Variants in PGLS observed in about 807,000 individuals in gnomAD.
The protein encoded by PGLS is epididymis secretory protein Li 304.
Under a neutral mutation model 23.2 loss-of-function variants are expected in PGLS, and 21 were observed. The observed-to-expected ratio is 0.91, with a 90% confidence interval of 0.64 to 1.31. PGLS has a LOEUF of 1.31. Ranked by LOEUF, PGLS falls within the 50% of genes most tolerant of loss-of-function variation. The probability of loss-of-function intolerance (pLI) is 0.00; values close to 1 mark genes in which losing one functional copy is unlikely to be tolerated. For missense variants in PGLS, 410 were observed against 354.0 expected, an observed-to-expected ratio of 1.16 and a Z score of -1.27; for synonymous variants, 179 against 165.4, an observed-to-expected ratio of 1.08 and a Z score of -0.63.
At chr19:17,516,639 C>T (rs1442894833) in intron 2 of PGLS, 2 of 513,940 alleles carry the variant, frequency 3.9e-6, no homozygotes, top group Admixed American at 6.4e-5. Context: ...GGCTGGAGTG[C>T]AGTGGCGTGA....
Position 17,511,911 on chromosome 19 carries a change from A to T in PGLS, c.239A>T (p.Glu80Val). Residue 80 changes from glutamate (E) to valine (V), a missense_variant, in exon 1 of 5, where the codon GAG (glutamate) becomes GTG (valine). Coordinates refer to ENST00000252603, the MANE Select transcript of PGLS (RefSeq NM_012088.3). The part of the protein sequence containing the change: ...LARWTLGFCD[E>V]RLVPFDHAES... ...CGCTGGACGCTGGGCTTCTGCGACG[A>T]GCGCCTCGTGCCCTTCGATCACGCC... 1 of 1,545,268 alleles carries T rather than the reference A, an allele frequency of 6.5e-7. No individual in the cohort carries two copies. The highest frequency in any genetic ancestry group is 2.0e-4 in the Middle Eastern group (1 of 4,936).
At chr19:17,519,183 G>A (rs1379872959) in intron 4 of PGLS, among the ~76,000 whole-genome samples, 4 of 151,234 alleles carry the variant, frequency 2.6e-5, no homozygotes, top group African/African-American at 4.9e-5. Flanking sequence ...GCGTGGTGGC[G>A]TGCGCCTGTA....
rs979285783 is a variant in PGLS, at chr19:17,521,036, C to T, written c.732C>T (p.Ala244=). 46 of 1,601,112 alleles carry T rather than the reference C, an allele frequency of 2.9e-5. No homozygotes were observed. The Admixed American group carries it at 5.7e-4, about 20-fold the overall frequency. Residue 244 remains alanine (A), a synonymous_variant, in exon 5 of 5, where the codon GCC becomes GCT. Coordinates refer to ENST00000252603, the MANE Select transcript of PGLS (RefSeq NM_012088.3). ...GKLCWFLDEA[A]ARLLTVPFEK... ...TGTGCTGGTTCTTGGACGAGGCGGCCGCCCGCCTCCTGACCGTGCCCTTCG... is the reference window on the plus strand; with the variant it reads ...TGTGCTGGTTCTTGGACGAGGCGGCTGCCCGCCTCCTGACCGTGCCCTTCG...
In PGLS at chr19:17,521,103, C is replaced by T. The variant is rs1183315499; in HGVS notation, c.*22C>T. On this transcript the variant is annotated 3_prime_UTR_variant, in exon 5 of 5. Transcript: ENST00000252603. The stretch of plus-strand genomic sequence containing the variant: ...GTAGCTGGCCAGAGGGACGCCGCAG[C>T]TGGGACCAGGCACGCGGCCCATGGG... 1.3e-5 allele frequency: 21 copies of T among 1,574,196 alleles called. No individual in the cohort carries two copies. Among genetic ancestry groups the T allele is most frequent in the East Asian group, 2.4e-5 (1 of 42,240 alleles).
rs1250956419 is a variant in PGLS, at chr19:17,516,996, T to G, written c.397-292T>G. Among the ~76,000 whole-genome samples the G allele has an allele frequency of 2.0e-5, 3 of 151,632 alleles. 1 individual carries two copies. Among genetic ancestry groups the G allele is most frequent in the Non-Finnish European group, 4.4e-5 (3 of 67,928 alleles). On this transcript the variant is annotated intron_variant, in intron 2 of 4. Transcript: ENST00000252603. ...GCCTCCCGGGCTCAAGTGATTATCCTACCTCAGCCTCCCAAGTAGCTAGGA... is the reference window on the plus strand; with the variant it reads ...GCCTCCCGGGCTCAAGTGATTATCCGACCTCAGCCTCCCAAGTAGCTAGGA...
At position 17,516,177 on chromosome 19, in the gene PGLS, A is replaced by C; in HGVS notation, c.293A>C (p.His98Pro). ...AESTYGLYRTHLLSRLPIPES... is the reference protein window; with the variant it reads ...AESTYGLYRTPLLSRLPIPES... ...TTGTCCCTCTGTTGGCTGCAGACGC[A>C]TCTTCTCTCCAGACTGCCGATCCCA... The change falls in exon 2 of 5, where the codon CAT (histidine) becomes CCT (proline). Residue 98 changes from histidine to proline, a missense_variant. Coordinates refer to ENST00000252603, the MANE Select transcript of PGLS (RefSeq NM_012088.3). The C allele has an allele frequency of 6.2e-7, 1 of 1,613,386 alleles. No individual in the cohort carries two copies. Among genetic ancestry groups the C allele is most frequent in the Non-Finnish European group, 8.5e-7 (1 of 1,179,408 alleles).
At chr19:17,518,963 A>G (rs2075545395) in intron 4 of PGLS, among the ~76,000 whole-genome samples, 1 of 152,150 alleles carries the variant, frequency 6.6e-6, no homozygotes. Context: ...AGTGAAATGT[A>G]ATTGCAACTG....
Position 17,521,117 on chromosome 19 carries a change from G to A in PGLS, c.*36G>A, listed in dbSNP as rs1599692671. 4 of 1,546,944 alleles carry A rather than the reference G, an allele frequency of 2.6e-6. No homozygotes were observed. The highest frequency in any genetic ancestry group is 4.9e-5 in the East Asian group (2 of 40,860). ...GGACGCCGCAGCTGGGACCAGGCACGCGGCCCATGGGGCTGGGCCCCTGCT... is the reference window on the plus strand; with the variant it reads ...GGACGCCGCAGCTGGGACCAGGCACACGGCCCATGGGGCTGGGCCCCTGCT... On this transcript the variant is annotated 3_prime_UTR_variant, in exon 5 of 5. Coordinates refer to ENST00000252603, the MANE Select transcript of PGLS (RefSeq NM_012088.3).
At chr19:17,512,646 A>G (rs929114206) in intron 1 of PGLS, 1 of 151,986 alleles carries the variant, frequency 6.6e-6, no homozygotes, top group Non-Finnish European at 1.5e-5. Context: ...TCAGGATTCT[A>G]TAGAATCAGA....
chr19:17,516,336 G>T (rs781282588), intron 2 of PGLS, 56 bp downstream of exon 2: 1 of 1,570,558 alleles, frequency 6.4e-7, no homozygotes, highest in African/African-American at 1.4e-5. Context: ...GCCACACCCC[G>T]GGCAACAGAG....
intron 2 of PGLS, among the ~76,000 whole-genome samples, chr19:17,516,694 C>A (rs1360084482): frequency 1.3e-5 from 2 of 151,916 alleles, no homozygotes; most frequent in African/African-American, 2.4e-5. Flanking sequence ...ACACCATTCT[C>A]CTGCCTCAGC....
At chr19:17,515,991 G>T (rs2075530503) in intron 1 of PGLS, 182 bp from the exon 2 acceptor site, 2 of 528,974 alleles carry the variant, frequency 3.8e-6, no homozygotes, top group Non-Finnish European at 7.1e-6. Flanking sequence ...CAGCATTCCA[G>T]AGGTGACTCA....
chr19:17,517,757 GC>G lies in PGLS; in HGVS notation c.548del (p.Pro183HisfsTer4), dbSNP rs1568433275. ...CCATCAGTGACTCCCCGAAGCCACCGCCACAGCGTGTGACCCTCACACTACC... is the reference window on the plus strand; with the variant it reads ...CCATCAGTGACTCCCCGAAGCCACCGCACAGCGTGTGACCCTCACACTACC... ...APISDSPKPP[P>X]QRVTLTLPVL... On this transcript the variant is annotated frameshift_variant, in exon 4 of 5. Transcript: ENST00000252603. LOFTEE classifies it high-confidence loss of function. 1 of 1,614,076 alleles carries G rather than the reference GC, an allele frequency of 6.2e-7. No homozygotes were observed. The highest frequency in any genetic ancestry group is 1.1e-5 in the South Asian group (1 of 91,082).
chr19:17,520,870 G>C, intron 4 of PGLS, 74 bp from the exon 5 acceptor site: 1 of 1,424,840 alleles, frequency 7.0e-7, no homozygotes, highest in African/African-American at 1.5e-5. Flanking sequence ...ATCCTTGGTT[G>C]GGGAGCCAGG....
At chr19:17,519,792 A>G (rs1012322953) in intron 4 of PGLS, among the ~76,000 whole-genome samples, 5 of 152,198 alleles carry the variant, frequency 3.3e-5, no homozygotes, top group African/African-American at 1.2e-4. Flanking sequence ...GAGTGGTTGC[A>G]ATAGAGACTG....
In PGLS at chr19:17,511,657, C is replaced by G. The variant is rs1482139146; in HGVS notation, c.-16C>G. 4 of 1,466,304 alleles carry G rather than the reference C, an allele frequency of 2.7e-6. No homozygotes were observed. The highest frequency in any genetic ancestry group is 2.6e-5 in the South Asian group (2 of 76,388). 90.8% of individuals were successfully genotyped at this position (1,466,304 alleles called of 1,614,324 possible). On this transcript the variant is annotated 5_prime_UTR_variant, in exon 1 of 5. Transcript: ENST00000252603. ...GCCGTAGGGAGCGCTTCCTCCTCCC[C>G]GCCGCCGCCCTCGCCATGGCCGCGC...
At chr19:17,512,091 C>A (rs1320152767) in intron 1 of PGLS, 131 bp downstream of exon 1, 3 of 966,716 alleles carry the variant, frequency 3.1e-6, no homozygotes, top group Admixed American at 6.4e-5. Context: ...GCTACGGGGG[C>A]CACTGGGTAT....
chr19:17,517,662 T>A, intron 3 of PGLS, 48 bp from the exon 4 acceptor site: 1 of 1,605,232 alleles, frequency 6.2e-7, no homozygotes, highest in Non-Finnish European at 8.5e-7. Context: ...TCCAAGAAGC[T>A]GAAGTGACAT....
chr19:17,519,792 A>C (rs1012322953), intron 4 of PGLS, among the ~76,000 whole-genome samples: 1 of 152,198 alleles, frequency 6.6e-6, no homozygotes, highest in Non-Finnish European at 1.5e-5. Flanking sequence ...GAGTGGTTGC[A>C]ATAGAGACTG....
Sources: allele counts gnomAD v4.1 joint callset (sites outside exome capture counted in the v4.1 genomes callset), GRCh38; gene constraint gnomAD v4.1.1; transcripts MANE v1.5; gene names NCBI Gene and HGNC (gene_info 2026-07-23, HGNC 2026-07-21).